The following DZIP3 variants were observed in gnomAD, a reference collection of about 807,000 sequenced individuals.
The protein encoded by DZIP3 is E3 ubiquitin-protein ligase DZIP3.
In DZIP3, 118 loss-of-function variants were observed where a neutral mutation model predicts 162.0. The ratio of observed to expected loss-of-function variants is 0.73; its 90% CI spans 0.63 to 0.85. DZIP3 has a LOEUF of 0.85. Among genes scored for constraint, DZIP3 ranks in the 40% least tolerant of loss-of-function variants. The pLI, the probability that DZIP3 is intolerant of heterozygous loss-of-function variation, is 0.00. For missense variants in DZIP3, 1,331 were observed against 1,407.0 expected, an observed-to-expected ratio of 0.95 and a Z score of 0.86; for synonymous variants, 438 against 458.6, an observed-to-expected ratio of 0.96 and a Z score of 0.57.
chr3:108,613,609 G>C (rs2107518607), intron 4 of DZIP3, among the ~76,000 whole-genome samples: 1 of 152,246 alleles, frequency 6.6e-6, no homozygotes. Flanking sequence ...CATGGACACA[G>C]AATTAGTAGA....
At chr3:108,642,619 C>T in intron 13 of DZIP3, 105 bp downstream of exon 13, 3 of 1,228,820 alleles carry the variant, frequency 2.4e-6, no homozygotes, top group Non-Finnish European at 3.2e-6. Context: ...CTGTGTTTGT[C>T]ATTCACTGAG....
At chr3:108,637,397 A>T (rs1293267847) in intron 11 of DZIP3, 99 bp from the exon 12 acceptor site, 3 of 1,035,754 alleles carry the variant, frequency 2.9e-6, no homozygotes, top group African/African-American at 1.6e-5. Context: ...CTGTGGCTTC[A>T]CTCTCATTGT....
intron 1 of DZIP3, among the ~76,000 whole-genome samples, chr3:108,596,369 AG>A (rs1174174250): frequency 2.6e-5 from 4 of 152,244 alleles, no homozygotes; most frequent in Non-Finnish European, 4.4e-5. Flanking sequence ...AGGAGCGGTC[AG>A]GGTTGGAGAT....
At chr3:108,616,188 C>T (rs530753863) in intron 4 of DZIP3, among the ~76,000 whole-genome samples, 55 of 151,888 alleles carry the variant, frequency 3.6e-4, no homozygotes, top group Middle Eastern at 3.4e-3. Context: ...GGTGTGAACA[C>T]GGGAGGCGGA....
At chr3:108,633,229 A>T (rs1576389626) in intron 9 of DZIP3, among the ~76,000 whole-genome samples, 157 bp downstream of exon 9, 1 of 151,834 alleles carries the variant, frequency 6.6e-6, no homozygotes, top group African/African-American at 2.4e-5. Flanking sequence ...TTTTACTATG[A>T]GAACTTAGAT....
intron 12 of DZIP3, 45 bp downstream of exon 12, chr3:108,637,593 A>G: frequency 1.3e-6 from 2 of 1,543,586 alleles, no homozygotes; most frequent in South Asian, 2.3e-5. Flanking sequence ...TGGAATATGC[A>G]TATATTTTTT....
rs200995881 is a variant in DZIP3, at chr3:108,642,440, A to G, written c.1067A>G (p.Tyr356Cys). 3.4e-5 allele frequency: 50 copies of G among 1,477,924 alleles called. No individual in the cohort carries two copies. Among genetic ancestry groups the G allele is most frequent in the Non-Finnish European group, 2.5e-5 (27 of 1,093,390 alleles). 91.6% of individuals were successfully genotyped at this position (1,477,924 alleles called of 1,614,324 possible). ...ACTTAATTTTTTTCCTTTTGCAGTT[A>G]TAGAAAGTTGATATCTCTGAAAATA... ...YITIENLGAS[Y>C]RKLISLKITD... The change falls in exon 13 of 33, where the codon TAT becomes TGT. Residue 356 changes from tyrosine (Y) to cysteine (C), a missense_variant and splice_region_variant. Coordinates refer to ENST00000361582, the MANE Select transcript of DZIP3 (RefSeq NM_014648.4).
chr3:108,601,736 A>T lies in DZIP3; in HGVS notation c.-72-3599A>T, dbSNP rs187724930. Among the ~76,000 whole-genome samples the T allele has an allele frequency of 4.6e-5, 7 of 152,278 alleles. No individual in the cohort carries two copies. The East Asian group carries it at 1.4e-3, about 29-fold the overall frequency. On this transcript the variant is annotated intron_variant, in intron 1 of 32. Transcript: ENST00000361582. The stretch of plus-strand genomic sequence containing the variant: ...TAGTTGTTTTTGGATAAACATAGAG[A>T]TTGACCCTTCTGGTGTTAAAGCTTG...
chr3:108,692,942 TA>T (rs1428335506), intron 32 of DZIP3, among the ~76,000 whole-genome samples: 1 of 149,964 alleles, frequency 6.7e-6, no homozygotes, highest in Non-Finnish European at 1.5e-5. Flanking sequence ...TTTAATATGA[TA>T]AAACTTATAT....
chr3:108,601,124 T>C (rs1939990203), intron 1 of DZIP3, among the ~76,000 whole-genome samples: 1 of 152,226 alleles, frequency 6.6e-6, no homozygotes, highest in Non-Finnish European at 1.5e-5. Context: ...TAGGTCCACT[T>C]AATTAAGCTT....
At chr3:108,616,447 T>A in intron 4 of DZIP3, 94 bp from the exon 5 acceptor site, 1 of 839,810 alleles carries the variant, frequency 1.2e-6, no homozygotes, top group Non-Finnish European at 1.8e-6. Flanking sequence ...TTTTTAAAAT[T>A]TTCTCCAATG....
chr3:108,590,749 C>T (rs756289115), intron 1 of DZIP3, among the ~76,000 whole-genome samples: 10 of 152,220 alleles, frequency 6.6e-5, no homozygotes, highest in Non-Finnish European at 1.3e-4. Context: ...CAGATTCTAG[C>T]TCCACCTTTG....
chr3:108,595,131 T>G (rs972717895), intron 1 of DZIP3, among the ~76,000 whole-genome samples: 9 of 152,340 alleles, frequency 5.9e-5, no homozygotes, highest in Non-Finnish European at 1.3e-4. Flanking sequence ...ACACATGGTA[T>G]TTTTTAGGGT....
At chr3:108,610,812 T>C (rs1940662034) in intron 3 of DZIP3, among the ~76,000 whole-genome samples, 1 of 152,218 alleles carries the variant, frequency 6.6e-6, no homozygotes, top group African/African-American at 2.4e-5. Context: ...TTTATACAGC[T>C]CTGACTGAAT....
At position 108,625,942 on chromosome 3, in the gene DZIP3, G is replaced by T. The variant is rs137935085; in HGVS notation, c.554G>T (p.Arg185Leu). The T allele has an allele frequency of 6.2e-7, 1 of 1,613,338 alleles. No homozygotes were observed. Among genetic ancestry groups the T allele is most frequent in the African/African-American group, 1.3e-5 (1 of 74,890 alleles). Residue 185 changes from arginine to leucine, a missense_variant, in exon 7 of 33, where the codon CGT becomes CTT. Arg to Leu is a moderately radical substitution (Grantham distance 102). Around this residue, in one of 2 missense-constraint regions of DZIP3, gnomAD observed 1,278 missense variants for 1,317.1 expected, o/e 0.97. Coordinates refer to ENST00000361582, the MANE Select transcript of DZIP3 (RefSeq NM_014648.4). Reference protein sequence around the residue: ...ENFMSLVYFGRGLLRCAQKRY... With the variant: ...ENFMSLVYFGLGLLRCAQKRY... ...TTTATGTCTTTAGTTTATTTTGGAC[G>T]TGGTTTACTGCGATGTGCTCAAAAG...
rs1940280538 is a variant in DZIP3, at chr3:108,605,339, A to T, written c.-68A>T. ...AAAATATTATTTTCCTTACAGCATT[A>T]AAGGGCAGTATTTAAAGTCAGTTGG... On this transcript the variant is annotated 5_prime_UTR_variant, in exon 2 of 33. An upstream open reading frame in the 5' UTR loses its in-frame stop. Coordinates refer to ENST00000361582, the MANE Select transcript of DZIP3 (RefSeq NM_014648.4). 2.5e-6 allele frequency: 4 copies of T among 1,593,676 alleles called. No homozygotes were observed. The highest frequency in any genetic ancestry group is 2.6e-6 in the Non-Finnish European group (3 of 1,162,856).
At chr3:108,652,513 A>G (rs946563222) in intron 18 of DZIP3, among the ~76,000 whole-genome samples, 9 of 151,928 alleles carry the variant, frequency 5.9e-5, no homozygotes, top group African/African-American at 1.2e-4. Context: ...TAAAATTACA[A>G]TGAAGCTAAA....
chr3:108,628,257 T>TA (rs1264265440), intron 7 of DZIP3, among the ~76,000 whole-genome samples: 3 of 152,190 alleles, frequency 2.0e-5, no homozygotes, highest in Non-Finnish European at 4.4e-5. Flanking sequence ...GGTCTCTAAA[T>TA]AAAGGTAGGC....
intron 25 of DZIP3, among the ~76,000 whole-genome samples, chr3:108,676,805 G>A (rs1944127833): frequency 6.6e-6 from 1 of 152,050 alleles, no homozygotes; most frequent in Non-Finnish European, 1.5e-5. Flanking sequence ...CCAAGCACAT[G>A]TCCTCCATGC....
Sources: gnomAD v4.1 joint callset for allele counts (sites outside exome capture counted in the v4.1 genomes callset) on GRCh38, gnomAD v4.1.1 for gene constraint, gnomAD v4.1.1 regional missense constraint, MANE v1.5 for transcripts, NCBI Gene and HGNC (gene_info 2026-07-23, HGNC 2026-07-21) for gene names.